Variants in CADPS2 observed in about 807,000 individuals in gnomAD.
CADPS2 encodes calcium-dependent secretion activator 2.
A neutral mutation model predicts 172.5 loss-of-function variants in CADPS2; 93 were observed. The ratio of observed to expected loss-of-function variants is 0.54; its 90% CI spans 0.46 to 0.64. The LOEUF (loss-of-function observed/expected upper bound fraction) is 0.64, where lower values mean the gene tolerates loss of function less well. CADPS2 is among the 30% of genes least tolerant of loss of function. CADPS2 has a pLI of 0.00. For missense variants in CADPS2, 1,420 were observed against 1,565.9 expected, an observed-to-expected ratio of 0.91 and a Z score of 1.57; for synonymous variants, 546 against 555.2, an observed-to-expected ratio of 0.98 and a Z score of 0.23.
rs1260744712 is a variant in CADPS2 at position 122,643,204 on chromosome 7, T to C, written c.787-13876A>G. On this transcript the variant is annotated intron_variant, in intron 3 of 29. Transcript: ENST00000449022. ...TTCATTTGGAAATGCCAAATATGCA[T>C]AGATTTTGCAACACGGCCTCAAAAC... Among the ~76,000 whole-genome samples the C allele has an allele frequency of 3.9e-5, 6 of 152,318 alleles. No homozygotes were observed. The East Asian group carries it at 5.8e-4, about 15-fold the overall frequency.
chr7:122,824,199 C>G (rs1193321583), intron 1 of CADPS2, among the ~76,000 whole-genome samples: 2 of 152,146 alleles, frequency 1.3e-5, no homozygotes, highest in Non-Finnish European at 2.9e-5. Flanking sequence ...TCACAGCAAT[C>G]ACCCAAGATA....
chr7:122,772,582 G>C (rs2093737282), intron 1 of CADPS2, among the ~76,000 whole-genome samples: 1 of 151,994 alleles, frequency 6.6e-6, no homozygotes, highest in Non-Finnish European at 1.5e-5. Flanking sequence ...TGTATAGTAA[G>C]AATAATTGTT....
At chr7:122,419,287 G>C (rs1486293206) in intron 17 of CADPS2, among the ~76,000 whole-genome samples, 1 of 152,150 alleles carries the variant, frequency 6.6e-6, no homozygotes, top group Non-Finnish European at 1.5e-5. Context: ...TACATCAAGG[G>C]TGGATAAGAG....
chr7:122,553,745 C>T (rs1447963725), intron 8 of CADPS2, among the ~76,000 whole-genome samples: 1 of 152,110 alleles, frequency 6.6e-6, no homozygotes, highest in Non-Finnish European at 1.5e-5. Context: ...TTTCTTAGAC[C>T]TCTATGTCTG....
intron 6 of CADPS2, among the ~76,000 whole-genome samples, chr7:122,603,119 C>T (rs2073026418): frequency 6.6e-6 from 1 of 152,042 alleles, no homozygotes; most frequent in African/African-American, 2.4e-5. Context: ...TATATGACAA[C>T]TAACAAGTCT....
At chr7:122,325,997 A>G (rs2033764451) in intron 28 of CADPS2, among the ~76,000 whole-genome samples, 1 of 152,058 alleles carries the variant, frequency 6.6e-6, no homozygotes, top group Non-Finnish European at 1.5e-5. Context: ...TGCATGTTAC[A>G]TAAAAATCAA....
At chr7:122,588,879 A>C (rs944278660) in intron 6 of CADPS2, among the ~76,000 whole-genome samples, 7 of 151,982 alleles carry the variant, frequency 4.6e-5, no homozygotes, top group Admixed American at 1.3e-4. Flanking sequence ...GGAAATAAAG[A>C]TTCTTGAAAA....
intron 28 of CADPS2, among the ~76,000 whole-genome samples, chr7:122,329,124 C>T (rs1367248689): frequency 6.6e-6 from 1 of 152,106 alleles, no homozygotes; most frequent in Non-Finnish European, 1.5e-5. Context: ...ATTGCCACAC[C>T]AGGGCTATAA....
intron 18 of CADPS2, among the ~76,000 whole-genome samples, chr7:122,414,487 CA>C (rs1469531620): frequency 6.6e-6 from 1 of 152,050 alleles, no homozygotes; most frequent in Non-Finnish European, 1.5e-5. Flanking sequence ...AAGACAAAGA[CA>C]AAACATACAT....
chr7:122,699,754 T>C (rs1366789610), intron 2 of CADPS2, among the ~76,000 whole-genome samples: 1 of 152,192 alleles, frequency 6.6e-6, no homozygotes, highest in Non-Finnish European at 1.5e-5. Context: ...CTAGGGAAGC[T>C]AATTTCTCTG....
chr7:122,756,647 C>T (rs1213141544), intron 1 of CADPS2, among the ~76,000 whole-genome samples: 2 of 152,224 alleles, frequency 1.3e-5, no homozygotes, highest in East Asian at 3.9e-4. Flanking sequence ...GCCTGTAATC[C>T]CAGCACTTTG....
At position 122,480,861 on chromosome 7, in the gene CADPS2, C is replaced by G; in HGVS notation, c.1853-1G>C. 6.6e-7 allele frequency: 1 copy of G among 1,520,450 alleles called. No individual in the cohort carries two copies. The highest frequency in any genetic ancestry group is 8.8e-7 in the Non-Finnish European group (1 of 1,137,472). 94.2% of individuals were successfully genotyped at this position (1,520,450 alleles called of 1,614,324 possible). On this transcript the variant is annotated splice_acceptor_variant, in intron 11 of 29. Transcript: ENST00000449022. LOFTEE classifies it high-confidence loss of function. The stretch of plus-strand genomic sequence containing the variant: ...TCATGAAAATACTTACCTTTACCAG[C>G]TACAGGTCAGCAAAGAAATGAGAAA...
rs983237813 is a variant in CADPS2 at position 122,361,020 on chromosome 7, T to C, written c.3388-7A>G. 7.5e-6 allele frequency: 12 copies of C among 1,599,352 alleles called. No individual in the cohort carries two copies. The highest frequency in any genetic ancestry group is 4.0e-5 in the African/African-American group (3 of 74,574). On this transcript the variant is annotated splice_region_variant and splice_polypyrimidine_tract_variant and intron_variant, in intron 25 of 29. Coordinates refer to ENST00000449022, the MANE Select transcript of CADPS2 (RefSeq NM_017954.11). ...CTTCCAACACTGAAACAAACTATAATACAGTTATAGTGAGTATTTAGAATG... is the reference window on the plus strand; with the variant it reads ...CTTCCAACACTGAAACAAACTATAACACAGTTATAGTGAGTATTTAGAATG...
At chr7:122,376,228 T>C (rs575914787) in intron 25 of CADPS2, among the ~76,000 whole-genome samples, 9 of 152,288 alleles carry the variant, frequency 5.9e-5, no homozygotes, top group African/African-American at 1.2e-4. Context: ...TTAATGGGTA[T>C]ATAGCCAAAG....
intron 24 of CADPS2, 65 bp downstream of exon 24, chr7:122,386,961 G>C: frequency 6.7e-7 from 1 of 1,492,270 alleles, no homozygotes. Context: ...ATGCCTTGTG[G>C]AAAGGGCATT....
chr7:122,697,931 A>G, intron 2 of CADPS2: 8 of 1,613,998 alleles, frequency 5.0e-6, no homozygotes, highest in Non-Finnish European at 5.9e-6. Flanking sequence ...TCACTAGGTG[A>G]TAAGGTTTCA....
At chr7:122,533,964 G>A (rs2062003070) in intron 8 of CADPS2, among the ~76,000 whole-genome samples, 1 of 152,100 alleles carries the variant, frequency 6.6e-6, no homozygotes, top group African/African-American at 2.4e-5. Context: ...TTAGCCGAAC[G>A]CATGCATCTC....
intron 3 of CADPS2, among the ~76,000 whole-genome samples, chr7:122,642,995 T>C (rs1396573932): frequency 6.6e-6 from 1 of 152,206 alleles, no homozygotes; most frequent in Non-Finnish European, 1.5e-5. Flanking sequence ...GTTTATGATG[T>C]TATGCAAATT....
chr7:122,365,698 T>C (rs965725830), intron 25 of CADPS2, among the ~76,000 whole-genome samples: 4 of 152,226 alleles, frequency 2.6e-5, no homozygotes, highest in African/African-American at 9.6e-5. Flanking sequence ...TCTTTATTAC[T>C]GATGCCATTA....
Sources: allele counts gnomAD v4.1 joint callset (sites outside exome capture counted in the v4.1 genomes callset), GRCh38; gene constraint gnomAD v4.1.1; transcripts MANE v1.5; gene names NCBI Gene and HGNC (gene_info 2026-07-23, HGNC 2026-07-21).